The following LRFN2 variants were observed in gnomAD, a reference collection of about 807,000 sequenced individuals.
The protein encoded by LRFN2 is leucine-rich repeat and fibronectin type-III domain-containing protein 2.
In LRFN2, 18 loss-of-function variants were observed where a neutral mutation model predicts 37.3. The ratio of observed to expected loss-of-function variants is 0.48; its 90% CI spans 0.33 to 0.72. The LOEUF (loss-of-function observed/expected upper bound fraction) is 0.72, where lower values mean the gene tolerates loss of function less well. Ranked by LOEUF, LRFN2 falls within the 30% of genes least tolerant of loss-of-function variation. The probability of loss-of-function intolerance (pLI) is 0.02; values close to 1 mark genes in which losing one functional copy is unlikely to be tolerated. For synonymous variants in LRFN2, 556 were observed against 466.6 expected (o/e 1.19, Z -2.47); for missense variants, 1,006 against 1,060.7 (o/e 0.95, Z 0.72).
At chr6:40,532,698 C>T (rs976850859) in intron 1 of LRFN2, among the ~76,000 whole-genome samples, 28 of 152,214 alleles carry the variant, frequency 1.8e-4, no homozygotes, top group Non-Finnish European at 2.9e-5. Flanking sequence ...ATCTCTCCTC[C>T]GTGCACTTTT....
intron 2 of LRFN2, among the ~76,000 whole-genome samples, chr6:40,418,374 T>A (rs1472536155): frequency 6.6e-6 from 1 of 152,140 alleles, no homozygotes; most frequent in African/African-American, 2.4e-5. Context: ...ATTTTTGAAC[T>A]TTTCATCTCT....
chr6:40,435,046 T>TAAAGAGAG, intron 1 of LRFN2, among the ~76,000 whole-genome samples: 1 of 81,198 alleles, frequency 1.2e-5, no homozygotes, highest in Non-Finnish European at 2.2e-5. Flanking sequence ...TATATATATA[T>TAAAGAGAG]ATATATAGAG....
intron 1 of LRFN2, among the ~76,000 whole-genome samples, chr6:40,440,696 C>A (rs1763814551): frequency 6.6e-6 from 1 of 152,168 alleles, no homozygotes; most frequent in African/African-American, 2.4e-5. Flanking sequence ...AATACCTCAA[C>A]ATCCTCACCT....
chr6:40,549,383 T>C (rs1766723204), intron 1 of LRFN2, among the ~76,000 whole-genome samples: 1 of 152,178 alleles, frequency 6.6e-6, no homozygotes, highest in Admixed American at 6.5e-5. Context: ...TCATTTTCCT[T>C]TGGTCTCAGG....
chr6:40,577,303 T>A (rs35407803), intron 1 of LRFN2, among the ~76,000 whole-genome samples: 77,396 of 151,170 alleles, frequency 0.51, 20,206 homozygotes, highest in Middle Eastern at 0.6. Flanking sequence ...AGTTTCACCA[T>A]GTTGCCCAGG....
chr6:40,570,983 G>C (rs79990257), intron 1 of LRFN2, among the ~76,000 whole-genome samples: 383 of 152,322 alleles, frequency 2.5e-3, no homozygotes, highest in African/African-American at 8.6e-3. Context: ...TTGTCTATGG[G>C]AGAATGGCCT....
chr6:40,510,681 C>T (rs1384942459), intron 1 of LRFN2, among the ~76,000 whole-genome samples: 1 of 152,204 alleles, frequency 6.6e-6, no homozygotes, highest in Admixed American at 6.5e-5. Flanking sequence ...GACCAGAATG[C>T]CAGGCTGGAC....
chr6:40,535,323 AT>A (rs1766427879), intron 1 of LRFN2, among the ~76,000 whole-genome samples: 1 of 152,078 alleles, frequency 6.6e-6, no homozygotes, highest in Non-Finnish European at 1.5e-5. Context: ...GACTATTATG[AT>A]TGCTCATCCT....
At chr6:40,516,905 G>C (rs903497138) in intron 1 of LRFN2, among the ~76,000 whole-genome samples, 1 of 152,136 alleles carries the variant, frequency 6.6e-6, no homozygotes, top group East Asian at 1.9e-4. Context: ...ATCCTCATCT[G>C]GGCAGAGCTC....
At chr6:40,393,458 G>A (rs1483940358) in intron 2 of LRFN2, among the ~76,000 whole-genome samples, 1 of 152,032 alleles carries the variant, frequency 6.6e-6, no homozygotes, top group Non-Finnish European at 1.5e-5. Flanking sequence ...GAAGAGAAAA[G>A]GGGAGGCATT....
intron 1 of LRFN2, among the ~76,000 whole-genome samples, chr6:40,586,492 A>C (rs1581808199): frequency 6.7e-6 from 1 of 150,218 alleles, no homozygotes; most frequent in Admixed American, 6.6e-5. Context: ...GCTTTACCCC[A>C]CCCCACCCAG....
chr6:40,583,707 A>G (rs1344271628), intron 1 of LRFN2, among the ~76,000 whole-genome samples: 1 of 152,102 alleles, frequency 6.6e-6, no homozygotes, highest in Admixed American at 6.5e-5. Context: ...CCCCTCTCTC[A>G]AATTGGATGT....
chr6:40,421,526 G>A (rs373565639), intron 2 of LRFN2, among the ~76,000 whole-genome samples: 2 of 152,192 alleles, frequency 1.3e-5, no homozygotes, highest in Admixed American at 6.5e-5. Flanking sequence ...CAATAAAAAG[G>A]AGTGTCTGGG....
chr6:40,555,334 C>G (rs1008485909), intron 1 of LRFN2, among the ~76,000 whole-genome samples: 1 of 152,120 alleles, frequency 6.6e-6, no homozygotes, highest in Non-Finnish European at 1.5e-5. Context: ...GAGGCTGGGC[C>G]GGAGATGAGC....
intron 1 of LRFN2, among the ~76,000 whole-genome samples, chr6:40,551,855 T>C (rs1035551882): frequency 6.6e-6 from 1 of 152,052 alleles, no homozygotes; most frequent in Non-Finnish European, 1.5e-5. Flanking sequence ...ACCAACATGA[T>C]AGAATCAAAT....
chr6:40,445,877 T>C (rs1051091136), intron 1 of LRFN2, among the ~76,000 whole-genome samples: 1 of 152,210 alleles, frequency 6.6e-6, no homozygotes, highest in Non-Finnish European at 1.5e-5. Context: ...AATAATCTTA[T>C]AAAGTTGTGA....
At chr6:40,543,584 G>C (rs553208515) in intron 1 of LRFN2, among the ~76,000 whole-genome samples, 1 of 152,302 alleles carries the variant, frequency 6.6e-6, no homozygotes, top group South Asian at 2.1e-4. Context: ...AATCTCTTAA[G>C]CTTGACATGG....
At chr6:40,566,448 C>T (rs193172124) in intron 1 of LRFN2, among the ~76,000 whole-genome samples, 1,578 of 152,196 alleles carry the variant, frequency 0.01, 35 homozygotes, top group African/African-American at 0.036. Context: ...TGTTTATTGC[C>T]GCGCTATTCA....
At chr6:40,481,804 G>T (rs905335366) in intron 1 of LRFN2, among the ~76,000 whole-genome samples, 2 of 152,084 alleles carry the variant, frequency 1.3e-5, no homozygotes, top group African/African-American at 4.8e-5. Flanking sequence ...GGAGATGAAG[G>T]GTGAAGACTC....
Sources: allele counts gnomAD v4.1 joint callset (sites outside exome capture counted in the v4.1 genomes callset), GRCh38; gene constraint gnomAD v4.1.1; transcripts MANE v1.5; gene names NCBI Gene and HGNC (gene_info 2026-07-23, HGNC 2026-07-21).